UBE3D: variants seen among roughly 807,000 people sequenced by gnomAD.
The protein encoded by UBE3D is E3 ubiquitin-protein ligase E3D.
Under a neutral mutation model 49.6 loss-of-function variants are expected in UBE3D, and 48 were observed. The ratio of observed to expected loss-of-function variants is 0.97; its 90% CI spans 0.77 to 1.23. The LOEUF is 1.23. UBE3D is among the 50% of genes most tolerant of loss of function. The probability of loss-of-function intolerance (pLI) is 0.00; values close to 1 mark genes in which losing one functional copy is unlikely to be tolerated. For synonymous variants in UBE3D, 189 were observed against 174.2 expected, an observed-to-expected ratio of 1.08 and a Z score of -0.67; for missense variants, 452 against 468.4, an observed-to-expected ratio of 0.96 and a Z score of 0.32.
chr6:83,006,230 A>G (rs1188949145), intron 8 of UBE3D, among the ~76,000 whole-genome samples: 1 of 152,096 alleles, frequency 6.6e-6, no homozygotes, highest in Non-Finnish European at 1.5e-5. Context: ...GTTTCAAAAA[A>G]CAAACAAACA....
intron 9 of UBE3D, among the ~76,000 whole-genome samples, chr6:82,953,162 A>C (rs962135696): frequency 1.3e-5 from 2 of 152,252 alleles, no homozygotes; most frequent in Non-Finnish European, 2.9e-5. Context: ...AATGACGTCA[A>C]CAGGCTGCAA....
intron 8 of UBE3D, among the ~76,000 whole-genome samples, chr6:82,976,718 G>C (rs1420104309): frequency 6.6e-6 from 1 of 152,090 alleles, no homozygotes; most frequent in African/African-American, 2.4e-5. Flanking sequence ...TGTCTTGGAA[G>C]CATTTCCACT....
intron 9 of UBE3D, among the ~76,000 whole-genome samples, chr6:82,929,655 T>TCCCC (rs1228603275): frequency 1.3e-5 from 2 of 152,102 alleles, no homozygotes; most frequent in African/African-American, 2.4e-5. Context: ...TTTCTTCTTT[T>TCCCC]CTCCTTCTTC....
intron 8 of UBE3D, among the ~76,000 whole-genome samples, chr6:82,975,452 C>G (rs1483673818): frequency 1.3e-5 from 2 of 152,172 alleles, no homozygotes; most frequent in Non-Finnish European, 2.9e-5. Flanking sequence ...TGCCAAAATA[C>G]TAGCAGTAGT....
intron 8 of UBE3D, among the ~76,000 whole-genome samples, chr6:82,986,892 AT>A (rs1232217121): frequency 2.7e-5 from 4 of 150,310 alleles, no homozygotes; most frequent in African/African-American, 9.7e-5. Flanking sequence ...TATTATACAT[AT>A]GTATAATAGC....
chr6:82,903,741 T>C (rs1313909621), intron 9 of UBE3D, among the ~76,000 whole-genome samples: 2 of 152,154 alleles, frequency 1.3e-5, no homozygotes, highest in East Asian at 3.9e-4. Context: ...AGTCTATCGT[T>C]TGGACTTGCT....
chr6:83,054,141 T>A lies in UBE3D; in HGVS notation c.365+7A>T. ...CAGAATTAATCAGTGTTAAATATAT[T>A]CCTTACCTGTCTTTTATTATGACTT... is the stretch of plus-strand genomic sequence containing the variant. On this transcript the variant is annotated splice_region_variant and intron_variant, in intron 3 of 9. Coordinates refer to ENST00000369747, the MANE Select transcript of UBE3D (RefSeq NM_198920.3). 1 of 1,609,232 alleles carries A rather than the reference T, an allele frequency of 6.2e-7. No individual in the cohort carries two copies. The highest frequency in any genetic ancestry group is 8.5e-7 in the Non-Finnish European group (1 of 1,175,570).
intron 8 of UBE3D, among the ~76,000 whole-genome samples, chr6:83,010,903 A>G (rs954953982): frequency 6.6e-5 from 10 of 152,116 alleles, no homozygotes; most frequent in African/African-American, 2.4e-4. Context: ...TCCTTTGGCA[A>G]CACCCTCATC....
chr6:82,909,299 A>G (rs1486230186), intron 9 of UBE3D, among the ~76,000 whole-genome samples: 1 of 152,260 alleles, frequency 6.6e-6, no homozygotes, highest in Admixed American at 6.5e-5. Flanking sequence ...AACTCAGGTT[A>G]CCAAAGTTGA....
intron 6 of UBE3D, among the ~76,000 whole-genome samples, chr6:83,023,102 AC>A (rs2127775671): frequency 6.6e-6 from 1 of 152,330 alleles, no homozygotes; most frequent in East Asian, 1.9e-4. Context: ...ATCATGGTTA[AC>A]TTGTTTGCAA....
chr6:82,923,448 C>T (rs371036771), intron 9 of UBE3D, among the ~76,000 whole-genome samples: 61 of 152,256 alleles, frequency 4.0e-4, no homozygotes, highest in African/African-American at 1.3e-3. Flanking sequence ...TCTCAGCAAA[C>T]GATCACAAGA....
intron 2 of UBE3D, among the ~76,000 whole-genome samples, 171 bp from the exon 3 acceptor site, chr6:83,054,409 G>T (rs1183964653): frequency 6.6e-6 from 1 of 152,054 alleles, no homozygotes; most frequent in South Asian, 2.1e-4. Flanking sequence ...CAAATATTGT[G>T]AAGTGTTTTT....
At chr6:82,948,164 A>G (rs1351664656) in intron 9 of UBE3D, among the ~76,000 whole-genome samples, 1 of 151,820 alleles carries the variant, frequency 6.6e-6, no homozygotes, top group Non-Finnish European at 1.5e-5. Context: ...ATAAATAAAT[A>G]AAATAAATAA....
intron 9 of UBE3D, among the ~76,000 whole-genome samples, chr6:82,951,367 T>C (rs1348249774): frequency 1.3e-5 from 2 of 152,212 alleles, no homozygotes; most frequent in Admixed American, 6.5e-5. Context: ...AAAAATTCTA[T>C]CCATACCATT....
chr6:83,026,657 A>C (rs1238291015), intron 5 of UBE3D, among the ~76,000 whole-genome samples: 1 of 152,092 alleles, frequency 6.6e-6, no homozygotes, highest in Non-Finnish European at 1.5e-5. Flanking sequence ...CGCAGGACTA[A>C]ACTAAACCTT....
At chr6:83,006,841 C>T (rs531618882) in intron 8 of UBE3D, among the ~76,000 whole-genome samples, 20 of 152,100 alleles carry the variant, frequency 1.3e-4, no homozygotes, top group African/African-American at 4.1e-4. Context: ...ATCTGTTTCA[C>T]AATAGAATAT....
At chr6:82,969,735 TAA>T (rs1396438254) in intron 8 of UBE3D, among the ~76,000 whole-genome samples, 1 of 152,156 alleles carries the variant, frequency 6.6e-6, no homozygotes. Flanking sequence ...CTTAATATCA[TAA>T]AAGTGTCAAT....
chr6:83,046,524 T>C (rs78842338), intron 3 of UBE3D, among the ~76,000 whole-genome samples: 2,116 of 152,256 alleles, frequency 0.014, 30 homozygotes, highest in Middle Eastern at 0.037. Flanking sequence ...GAATAAGGCA[T>C]TCTACTGGCA....
At chr6:83,021,713 A>G (rs1355943750) in intron 7 of UBE3D, among the ~76,000 whole-genome samples, 1 of 151,232 alleles carries the variant, frequency 6.6e-6, no homozygotes, top group African/African-American at 2.4e-5. Flanking sequence ...AAAAAAATAC[A>G]AAAAAATTAG....
Sources: gnomAD v4.1 joint callset for allele counts (sites outside exome capture counted in the v4.1 genomes callset) on GRCh38, gnomAD v4.1.1 for gene constraint, MANE v1.5 for transcripts, NCBI Gene and HGNC (gene_info 2026-07-23, HGNC 2026-07-21) for gene names.